The following NCK2 variants were observed in gnomAD, a reference collection of about 807,000 sequenced individuals.
NCK2 encodes cytoplasmic protein NCK2.
NCK2 carries 16 observed loss-of-function variants against 33.9 expected under a neutral mutation model. The observed-to-expected ratio is 0.47, with a 90% CI of 0.32 to 0.72. The LOEUF is 0.72. Ranked by LOEUF, NCK2 falls within the 30% of genes least tolerant of loss-of-function variation. The probability of loss-of-function intolerance (pLI) is 0.03; values close to 1 mark genes in which losing one functional copy is unlikely to be tolerated. For missense variants in NCK2, 418 were observed against 537.3 expected (o/e 0.78, Z 2.19); for synonymous variants, 273 against 239.9 (o/e 1.14, Z -1.27).
intron 1 of NCK2, among the ~76,000 whole-genome samples, chr2:105,774,026 T>TG (rs1690223459): frequency 6.6e-6 from 1 of 151,534 alleles, no homozygotes; most frequent in Non-Finnish European, 1.5e-5. Flanking sequence ...TTTTTTTTTT[T>TG]GAGACGGAGT....
chr2:105,833,941 CAT>C lies in NCK2; in HGVS notation c.-17+17333_-17+17334del, dbSNP rs560247533. ...ATTCAAGAGCAACTTGTTTAATTTG[CAT>C]ATATTTATACAATTTCCAAAGTTGT... On this transcript the variant is annotated intron_variant, in intron 2 of 4. Transcript: ENST00000233154. 3.9e-5 allele frequency among the ~76,000 whole-genome samples: 6 copies of C among 152,244 alleles called. No homozygotes were observed. In the South Asian group the frequency reaches 1.2e-3, roughly 32 times the overall value.
In NCK2 at chr2:105,809,443, A is replaced by G. The variant is rs1434074834; in HGVS notation, c.-200-6987A>G. 2.0e-5 allele frequency among the ~76,000 whole-genome samples: 3 copies of G among 152,318 alleles called. No individual in the cohort carries two copies. In the East Asian group the frequency reaches 5.8e-4, roughly 29 times the overall value. Reference sequence around the variant, plus strand: ...TCTGGGGCCTTTCTCCAGCGCTTGCAGACAGATGCCTTCTTGCTGTGTCTT... The same window carrying G: ...TCTGGGGCCTTTCTCCAGCGCTTGCGGACAGATGCCTTCTTGCTGTGTCTT... On this transcript the variant is annotated intron_variant, in intron 1 of 4. Coordinates refer to ENST00000233154, the MANE Select transcript of NCK2 (RefSeq NM_003581.5).
At chr2:105,768,905 G>C (rs17031732) in intron 1 of NCK2, among the ~76,000 whole-genome samples, 51,349 of 152,028 alleles carry the variant, frequency 0.34, 9,776 homozygotes, top group East Asian at 0.46. Flanking sequence ...ATGAGTTCAT[G>C]ACGTGGAGGC....
chr2:105,758,413 G>GTTTTTT (rs574939583), intron 1 of NCK2, among the ~76,000 whole-genome samples: 1 of 132,532 alleles, frequency 7.5e-6, no homozygotes, highest in Non-Finnish European at 1.6e-5. Flanking sequence ...TGTTGTTTTT[G>GTTTTTT]TTTTTTTTTT....
At chr2:105,801,831 C>A (rs948529867) in intron 1 of NCK2, among the ~76,000 whole-genome samples, 53 of 152,178 alleles carry the variant, frequency 3.5e-4, no homozygotes, top group African/African-American at 1.3e-3. Context: ...TTACAGGGCG[C>A]TTTTTAGAGT....
At chr2:105,800,244 G>C (rs531756075) in intron 1 of NCK2, among the ~76,000 whole-genome samples, 42 of 152,338 alleles carry the variant, frequency 2.8e-4, no homozygotes, top group African/African-American at 9.4e-4. Context: ...CCAGGCTCCG[G>C]TTCCAACTGC....
At chr2:105,872,453 A>C (rs1041307693) in intron 3 of NCK2, among the ~76,000 whole-genome samples, 2 of 152,120 alleles carry the variant, frequency 1.3e-5, no homozygotes, top group Non-Finnish European at 2.9e-5. Flanking sequence ...TGCGGGACCG[A>C]AAGAGACATG....
chr2:105,853,602 C>T (rs1391957560), intron 2 of NCK2, among the ~76,000 whole-genome samples: 1 of 152,144 alleles, frequency 6.6e-6, no homozygotes, highest in Non-Finnish European at 1.5e-5. Context: ...TTTGTCTTTT[C>T]CAGTATGTCA....
chr2:105,885,442 G>A (rs1445859661), intron 4 of NCK2, among the ~76,000 whole-genome samples: 1 of 152,086 alleles, frequency 6.6e-6, no homozygotes. Context: ...TATTTTTAAA[G>A]TTATAATATT....
At chr2:105,868,382 A>G (rs186173013) in intron 3 of NCK2, among the ~76,000 whole-genome samples, 148 of 152,240 alleles carry the variant, frequency 9.7e-4, no homozygotes, top group African/African-American at 3.3e-3. Context: ...AACTGTTCAT[A>G]AGTTAAAGGC....
chr2:105,818,519 C>A (rs12989056), intron 2 of NCK2, among the ~76,000 whole-genome samples: 30,486 of 151,790 alleles, frequency 0.2, 3,737 homozygotes, highest in East Asian at 0.32. Context: ...ATATATATTT[C>A]CAACATGGTA....
At chr2:105,795,086 G>A (rs144309744) in intron 1 of NCK2, among the ~76,000 whole-genome samples, 190 of 152,230 alleles carry the variant, frequency 1.2e-3, no homozygotes, top group African/African-American at 4.0e-3. Flanking sequence ...CATATATCCA[G>A]TTCCCCCACA....
At position 105,750,413 on chromosome 2, in the gene NCK2, A is replaced by T. The variant is rs182649665; in HGVS notation, c.-201+5275A>T. 2.0e-5 allele frequency among the ~76,000 whole-genome samples: 3 copies of T among 152,258 alleles called. No homozygotes were observed. In the East Asian group the frequency reaches 5.8e-4, roughly 29 times the overall value. The stretch of plus-strand genomic sequence containing the variant: ...CACTTAGGGGTTAGGGCTTTACCAT[A>T]TGAATTTAGGGTGGACAATTCAGCC... On this transcript the variant is annotated intron_variant, in intron 1 of 4. Coordinates refer to ENST00000233154, the MANE Select transcript of NCK2 (RefSeq NM_003581.5).
intron 1 of NCK2, among the ~76,000 whole-genome samples, chr2:105,803,455 T>C (rs1172296689): frequency 1.3e-5 from 2 of 152,238 alleles, no homozygotes; most frequent in East Asian, 3.8e-4. Flanking sequence ...AGTTGTGCAA[T>C]ACATTTTCAT....
chr2:105,851,468 AG>A (rs776650832), intron 2 of NCK2, among the ~76,000 whole-genome samples: 3 of 152,168 alleles, frequency 2.0e-5, no homozygotes, highest in Admixed American at 6.5e-5. Flanking sequence ...CGTGTTAGCC[AG>A]GATGGTTTCC....
intron 2 of NCK2, among the ~76,000 whole-genome samples, chr2:105,827,950 C>G (rs1316009659): frequency 3.3e-5 from 5 of 152,218 alleles, no homozygotes; most frequent in African/African-American, 1.2e-4. Flanking sequence ...ACTCATTATA[C>G]TAATGTCAGT....
intron 2 of NCK2, among the ~76,000 whole-genome samples, chr2:105,823,132 C>CTCTGTGTG (rs1231957747): frequency 6.7e-6 from 1 of 148,530 alleles, no homozygotes. Context: ...TCCTCTCATG[C>CTCTGTGTG]TGTGTGTGTG....
At chr2:105,840,333 T>C (rs1676596967) in intron 2 of NCK2, among the ~76,000 whole-genome samples, 3 of 152,102 alleles carry the variant, frequency 2.0e-5, no homozygotes, top group Non-Finnish European at 2.9e-5. Context: ...GTGGGACACA[T>C]GGAGATGTTT....
intron 3 of NCK2, among the ~76,000 whole-genome samples, chr2:105,864,500 G>A (rs1052061713): frequency 6.6e-6 from 1 of 152,070 alleles, no homozygotes; most frequent in Non-Finnish European, 1.5e-5. Flanking sequence ...GGTGCGTAGT[G>A]GAGTTTGAGG....
Sources: allele counts gnomAD v4.1 joint callset (sites outside exome capture counted in the v4.1 genomes callset), GRCh38; gene constraint gnomAD v4.1.1; transcripts MANE v1.5; gene names NCBI Gene and HGNC (gene_info 2026-07-23, HGNC 2026-07-21).